Variants in SPIDR observed in about 807,000 individuals in gnomAD.
SPIDR encodes the protein scaffold protein involved in DNA repair.
In SPIDR, 93 loss-of-function variants were observed where a neutral mutation model predicts 104.6. That is an observed-to-expected ratio of 0.89 (90% CI 0.75 to 1.06). The LOEUF (loss-of-function observed/expected upper bound fraction) is 1.06, where lower values mean the gene tolerates loss of function less well. Ranked by LOEUF, SPIDR falls within the 50% of genes least tolerant of loss-of-function variation. SPIDR has a pLI of 0.00. For missense variants in SPIDR, 1,154 were observed against 1,111.2 expected (o/e 1.04, Z -0.55); for synonymous variants, 431 against 416.9 (o/e 1.03, Z -0.41).
At chr8:47,509,799 T>G (rs1042870513) in intron 8 of SPIDR, among the ~76,000 whole-genome samples, 9 of 152,168 alleles carry the variant, frequency 5.9e-5, no homozygotes, top group African/African-American at 1.4e-4. Context: ...TCCTCTTTTG[T>G]TACAACACAA....
At chr8:47,418,798 T>A (rs576907143) in intron 7 of SPIDR, among the ~76,000 whole-genome samples, 1 of 152,240 alleles carries the variant, frequency 6.6e-6, no homozygotes, top group Non-Finnish European at 1.5e-5. Flanking sequence ...GTCCCATCAA[T>A]ACCTAATTTG....
At position 47,364,922 on chromosome 8, in the gene SPIDR, G is replaced by A. The variant is rs149914282; in HGVS notation, c.526-31454G>A. On this transcript the variant is annotated intron_variant, in intron 5 of 19. Transcript: ENST00000297423. ...TGGGCCTTTATGCCCCGTCATGTGTGGGTGCCCTGGCAGAACCCTGCTGCT... is the reference window on the plus strand; with the variant it reads ...TGGGCCTTTATGCCCCGTCATGTGTAGGTGCCCTGGCAGAACCCTGCTGCT... Among the ~76,000 whole-genome samples, 83 of 152,300 alleles carry A rather than the reference G, an allele frequency of 5.4e-4. 1 individual carries two copies. Among genetic ancestry groups the A allele is most frequent in the African/African-American group, 1.9e-3 (77 of 41,566 alleles).
At chr8:47,386,243 C>G (rs1312293215) in intron 5 of SPIDR, among the ~76,000 whole-genome samples, 1 of 152,020 alleles carries the variant, frequency 6.6e-6, no homozygotes, top group Non-Finnish European at 1.5e-5. Flanking sequence ...CTTTTAATAA[C>G]TATAGTTCTA....
chr8:47,625,273 C>T (rs1312377342), intron 10 of SPIDR, among the ~76,000 whole-genome samples: 1 of 152,184 alleles, frequency 6.6e-6, no homozygotes. Context: ...AACCCACAGC[C>T]AATATCATAC....
intron 14 of SPIDR, among the ~76,000 whole-genome samples, chr8:47,709,775 A>G (rs1226638567): frequency 6.6e-6 from 1 of 152,198 alleles, no homozygotes; most frequent in Non-Finnish European, 1.5e-5. Context: ...AAGAGAGACC[A>G]CTGGCCAAAT....
rs542427066 is a variant in SPIDR, at chr8:47,711,655, C to T, written c.1978-1007C>T. 1.4e-4 allele frequency among the ~76,000 whole-genome samples: 22 copies of T among 152,276 alleles called. No homozygotes were observed. The South Asian group carries it at 4.6e-3, about 32-fold the overall frequency. On this transcript the variant is annotated intron_variant, in intron 14 of 19. Transcript: ENST00000297423. ...GTGTGTATATTCATCCACATACACA[C>T]ACAACTATATCTACTTCTATATTTC... is the stretch of plus-strand genomic sequence containing the variant.
intron 11 of SPIDR, among the ~76,000 whole-genome samples, chr8:47,691,534 G>A (rs1041397726): frequency 3.3e-5 from 5 of 152,294 alleles, no homozygotes; most frequent in South Asian, 2.1e-4. Context: ...CTGCTTTATG[G>A]TGTGCATTTT....
chr8:47,546,921 G>A (rs140719385), intron 8 of SPIDR: 39 of 457,982 alleles, frequency 8.5e-5, no homozygotes, highest in African/African-American at 6.3e-4. Flanking sequence ...TAACAAAAAC[G>A]TTGGAAAGCC....
intron 10 of SPIDR, among the ~76,000 whole-genome samples, chr8:47,601,742 G>A (rs1469478421): frequency 1.3e-5 from 2 of 152,292 alleles, no homozygotes; most frequent in Middle Eastern, 3.4e-3. Context: ...TTTAGATTAA[G>A]GCTGACCCAG....
At chr8:47,517,352 A>G (rs1211979593) in intron 8 of SPIDR, among the ~76,000 whole-genome samples, 1 of 152,172 alleles carries the variant, frequency 6.6e-6, no homozygotes, top group East Asian at 1.9e-4. Flanking sequence ...TTGCAAAATA[A>G]AAGTCTGCTA....
At chr8:47,522,064 T>A (rs2084213735) in intron 8 of SPIDR, among the ~76,000 whole-genome samples, 1 of 150,750 alleles carries the variant, frequency 6.6e-6, no homozygotes, top group Non-Finnish European at 1.5e-5. Flanking sequence ...CTGGGAAGGC[T>A]GAGGCAGGAG....
At chr8:47,592,266 A>G (rs1275691581) in intron 8 of SPIDR, 7 of 1,223,204 alleles carry the variant, frequency 5.7e-6, no homozygotes, top group Non-Finnish European at 8.5e-6. Flanking sequence ...TTGGGAGCAC[A>G]TAACAAGGCC....
intron 14 of SPIDR, among the ~76,000 whole-genome samples, chr8:47,711,664 A>G (rs1465478593): frequency 4.6e-5 from 7 of 151,966 alleles, no homozygotes; most frequent in Admixed American, 2.0e-4. Context: ...ACACAACTAT[A>G]TCTACTTCTA....
At chr8:47,657,722 T>C (rs1157167460) in intron 10 of SPIDR, among the ~76,000 whole-genome samples, 1 of 152,068 alleles carries the variant, frequency 6.6e-6, no homozygotes, top group Non-Finnish European at 1.5e-5. Flanking sequence ...ATTAACTCAA[T>C]AAAAATTTCA....
rs1309267941 is a variant in SPIDR at position 47,713,566 on chromosome 8, T to C, written c.2266T>C (p.Cys756Arg). 2 of 1,614,234 alleles carry C rather than the reference T, an allele frequency of 1.2e-6. No homozygotes were observed. Among genetic ancestry groups the C allele is most frequent in the Admixed American group, 1.7e-5 (1 of 60,030 alleles). Residue 756 changes from cysteine to arginine, a missense_variant, in exon 16 of 20, where the codon TGT (cysteine) becomes CGT (arginine). Physicochemically the swap from Cys to Arg is radical, Grantham distance 180. Transcript: ENST00000297423. ...GAGTGTGGTCTCTGGTGCAAGTTCC[T>C]GTGAGCTGCCTGGCCCGGTGATGCT... ...LLSVVSGASS[C>R]ELPGPVMLDS...
At chr8:47,417,950 T>C (rs1343552908) in intron 7 of SPIDR, among the ~76,000 whole-genome samples, 3 of 152,226 alleles carry the variant, frequency 2.0e-5, no homozygotes, top group Non-Finnish European at 2.9e-5. Context: ...GTGGCATTAT[T>C]TCCGAGGGCT....
intron 8 of SPIDR, among the ~76,000 whole-genome samples, chr8:47,498,685 C>A (rs2079847648): frequency 6.6e-6 from 1 of 152,168 alleles, no homozygotes; most frequent in South Asian, 2.1e-4. Context: ...TCACATCTAT[C>A]AGGTCAAGAC....
chr8:47,717,490 C>T (rs1213398100), intron 16 of SPIDR, among the ~76,000 whole-genome samples: 1 of 152,192 alleles, frequency 6.6e-6, no homozygotes, highest in African/African-American at 2.4e-5. Context: ...GGAGGGTTTC[C>T]CTAACCCATT....
chr8:47,471,245 A>G (rs1311363743), intron 8 of SPIDR, among the ~76,000 whole-genome samples: 1 of 151,622 alleles, frequency 6.6e-6, no homozygotes, highest in Non-Finnish European at 1.5e-5. Flanking sequence ...CAACCCATAC[A>G]GTGTGAAAAG....
Sources: allele counts gnomAD v4.1 joint callset (sites outside exome capture counted in the v4.1 genomes callset), GRCh38; gene constraint gnomAD v4.1.1; transcripts MANE v1.5; gene names NCBI Gene and HGNC (gene_info 2026-07-23, HGNC 2026-07-21).